Variants in PALM2AKAP2 observed in about 807,000 individuals in gnomAD.
PALM2AKAP2 encodes the protein PALM2-AKAP2 fusion protein.
In PALM2AKAP2, 37 loss-of-function variants were observed where a neutral mutation model predicts 71.5. The ratio of observed to expected loss-of-function variants is 0.52; its 90% CI spans 0.40 to 0.68. PALM2AKAP2 has a LOEUF of 0.68. PALM2AKAP2 is among the 30% of genes least tolerant of loss of function. The probability of loss-of-function intolerance (pLI) is 0.00; values close to 1 mark genes in which losing one functional copy is unlikely to be tolerated. For synonymous variants in PALM2AKAP2, 468 were observed against 478.8 expected (o/e 0.98, Z 0.29); for missense variants, 1,224 against 1,191.8 (o/e 1.03, Z -0.40).
intron 1 of PALM2AKAP2, among the ~76,000 whole-genome samples, chr9:109,727,733 G>T (rs535536085): frequency 6.6e-6 from 1 of 151,986 alleles, no homozygotes; most frequent in Non-Finnish European, 1.5e-5. Context: ...TTCATGCACC[G>T]TAGTTAATGT....
At chr9:110,087,683 A>G (rs1353795315) in intron 1 of PALM2AKAP2, among the ~76,000 whole-genome samples, 1 of 152,214 alleles carries the variant, frequency 6.6e-6, no homozygotes, top group East Asian at 1.9e-4. Context: ...TCATCAAGGA[A>G]GCACCCCGGC....
chr9:109,814,783 A>G (rs1827810953), intron 1 of PALM2AKAP2, among the ~76,000 whole-genome samples: 1 of 152,234 alleles, frequency 6.6e-6, no homozygotes, highest in African/African-American at 2.4e-5. Context: ...AAGCTATATC[A>G]TTGCATAAGC....
chr9:109,973,628 T>G (rs1832113761), intron 6 of PALM2AKAP2, among the ~76,000 whole-genome samples: 1 of 152,232 alleles, frequency 6.6e-6, no homozygotes, highest in African/African-American at 2.4e-5. Context: ...TGAGGATATA[T>G]AATCCTCCCA....
chr9:109,771,291 A>C (rs764552935), intron 1 of PALM2AKAP2, among the ~76,000 whole-genome samples: 4 of 152,190 alleles, frequency 2.6e-5, no homozygotes, highest in Non-Finnish European at 5.9e-5. Context: ...AACTCTGTGA[A>C]GTTAACAAGA....
chr9:110,015,782 A>G (rs978284788), intron 6 of PALM2AKAP2, among the ~76,000 whole-genome samples, 172 bp from the exon 7 acceptor site: 7 of 152,196 alleles, frequency 4.6e-5, no homozygotes, highest in Non-Finnish European at 8.8e-5. Context: ...CCAGGACTAC[A>G]CTTCTGAAAG....
chr9:110,083,149 G>A lies in PALM2AKAP2; in HGVS notation c.156+34294G>A, dbSNP rs186351303. Among the ~76,000 whole-genome samples the A allele has an allele frequency of 9.2e-5, 14 of 151,896 alleles. 1 individual carries two copies. In the East Asian group the frequency reaches 2.7e-3, roughly 29 times the overall value. Reference sequence around the variant, plus strand: ...AGAGTGAAACTTGGTCTCAAAAAAAGCAAAAAAACAAAAAACAAAAACAAT... The same window carrying A: ...AGAGTGAAACTTGGTCTCAAAAAAAACAAAAAAACAAAAAACAAAAACAAT... On this transcript the variant is annotated intron_variant, in intron 1 of 3. Transcript: ENST00000374525.
intron 1 of PALM2AKAP2, among the ~76,000 whole-genome samples, chr9:109,662,864 C>T (rs1158774135): frequency 6.6e-6 from 1 of 152,124 alleles, no homozygotes; most frequent in Non-Finnish European, 1.5e-5. Context: ...TTGGTCTATT[C>T]AAAGATTCAG....
chr9:109,655,145 A>C (rs1449662787), intron 1 of PALM2AKAP2, among the ~76,000 whole-genome samples: 1 of 152,012 alleles, frequency 6.6e-6, no homozygotes, highest in Non-Finnish European at 1.5e-5. Flanking sequence ...AGTACAAAAA[A>C]ATTAGCCGGG....
At chr9:109,826,010 T>G (rs979317678) in intron 1 of PALM2AKAP2, among the ~76,000 whole-genome samples, 17 of 152,196 alleles carry the variant, frequency 1.1e-4, no homozygotes, top group Non-Finnish European at 2.1e-4. Flanking sequence ...GTGGCACATA[T>G]GCACAATGGA....
chr9:109,974,225 G>A (rs1210500988), intron 6 of PALM2AKAP2, among the ~76,000 whole-genome samples: 3 of 152,234 alleles, frequency 2.0e-5, no homozygotes, highest in Non-Finnish European at 4.4e-5. Context: ...GCCTGGCAGG[G>A]TGAGTGCCAA....
At chr9:110,163,282 G>A (rs1351965009) in intron 3 of PALM2AKAP2, among the ~76,000 whole-genome samples, 1 of 152,054 alleles carries the variant, frequency 6.6e-6, no homozygotes, top group Non-Finnish European at 1.5e-5. Flanking sequence ...GTCAGGCATT[G>A]TTCTAGGTTC....
At chr9:109,817,591 T>C (rs1450746504) in intron 1 of PALM2AKAP2, among the ~76,000 whole-genome samples, 2 of 152,188 alleles carry the variant, frequency 1.3e-5, no homozygotes, top group African/African-American at 4.8e-5. Context: ...CCATACAGTG[T>C]CTATGGGTTG....
chr9:110,169,248 C>A (rs1463088890), exon 4 of PALM2AKAP2: 1 of 152,596 alleles, frequency 6.6e-6, no homozygotes, highest in Non-Finnish European at 1.5e-5. Context: ...CACTGATCTG[C>A]AGTTTATGAG....
chr9:110,099,357 A>G (rs1328156397), intron 1 of PALM2AKAP2, among the ~76,000 whole-genome samples: 1 of 152,214 alleles, frequency 6.6e-6, no homozygotes, highest in East Asian at 1.9e-4. Context: ...GACATCTGGT[A>G]CTTAGGATAA....
intron 6 of PALM2AKAP2, among the ~76,000 whole-genome samples, chr9:109,951,187 C>T (rs1831631532): frequency 6.9e-6 from 1 of 145,630 alleles, no homozygotes; most frequent in African/African-American, 2.6e-5. Flanking sequence ...TCAGCTTTAG[C>T]ATCTCACTCG....
intron 3 of PALM2AKAP2, among the ~76,000 whole-genome samples, chr9:109,908,213 G>A (rs1045049055): frequency 1.3e-5 from 2 of 152,214 alleles, no homozygotes; most frequent in Non-Finnish European, 2.9e-5. Flanking sequence ...AGCCAGGCAA[G>A]GGGTGGAGTG....
intron 6 of PALM2AKAP2, among the ~76,000 whole-genome samples, chr9:110,006,111 C>T (rs1192182416): frequency 2.0e-5 from 3 of 152,174 alleles, no homozygotes; most frequent in African/African-American, 7.2e-5. Flanking sequence ...TTGTCTTCTG[C>T]GTCACTCATG....
intron 1 of PALM2AKAP2, among the ~76,000 whole-genome samples, chr9:109,804,450 A>G (rs1827519670): frequency 2.6e-5 from 4 of 152,278 alleles, no homozygotes; most frequent in Admixed American, 2.6e-4. Context: ...GCAAATAAGC[A>G]GCCCTTCCTT....
At chr9:110,168,625 A>G in exon 4 of PALM2AKAP2, 4 of 1,087,194 alleles carry the variant, frequency 3.7e-6, no homozygotes, top group Non-Finnish European at 5.2e-6. Context: ...TATGTAGACC[A>G]GAAGCTGCAA....
Sources: allele counts gnomAD v4.1 joint callset (sites outside exome capture counted in the v4.1 genomes callset), GRCh38; gene constraint gnomAD v4.1.1; transcripts MANE v1.5; gene names NCBI Gene and HGNC (gene_info 2026-07-23, HGNC 2026-07-21).